The following PRKCH variants were observed in gnomAD, a reference collection of about 807,000 sequenced individuals.
The protein encoded by PRKCH is protein kinase C eta.
In PRKCH, 28 loss-of-function variants were observed where a neutral mutation model predicts 82.5. That is an observed-to-expected ratio of 0.34 (90% CI 0.25 to 0.47). The LOEUF (loss-of-function observed/expected upper bound fraction) is 0.47. PRKCH is among the 20% of genes least tolerant of loss of function. PRKCH has a pLI of 1.00. For synonymous variants in PRKCH, 322 were observed against 327.4 expected, an observed-to-expected ratio of 0.98 and a Z score of 0.18; for missense variants, 705 against 881.8, an observed-to-expected ratio of 0.80 and a Z score of 2.54.
At chr14:61,526,524 G>C (rs1389813121) in intron 10 of PRKCH, among the ~76,000 whole-genome samples, 1 of 152,182 alleles carries the variant, frequency 6.6e-6, no homozygotes, top group African/African-American at 2.4e-5. Flanking sequence ...TGTAAGACCT[G>C]TATGGCCAGG....
intron 1 of PRKCH, among the ~76,000 whole-genome samples, chr14:61,373,425 A>G (rs1439097633): frequency 2.0e-5 from 3 of 151,842 alleles, no homozygotes; most frequent in Non-Finnish European, 4.4e-5. Flanking sequence ...AGCAAGGGGG[A>G]AGTCTGCTTC....
chr14:61,530,587 C>A lies in PRKCH; in HGVS notation c.1753C>A (p.Leu585Ile), dbSNP rs138537182. The change falls in exon 12 of 14, where the codon CTA (leucine) becomes ATA (isoleucine). Residue 585 changes from leucine (L) to isoleucine (I), a missense_variant. Around this residue, in one of 5 missense-constraint regions of PRKCH, gnomAD observed 115 missense variants for 193.8 expected, o/e 0.59. Coordinates refer to ENST00000332981, the MANE Select transcript of PRKCH (RefSeq NM_006255.5). ...TWLHEDATGI[L>I]KSFMTKNPTM... ...GCTCCATGAAGATGCCACAGGGATC[C>A]TAAAATCTGTAAGTTTGGCTTACCC... 6.3e-7 allele frequency: 1 copy of A among 1,592,264 alleles called. No individual in the cohort carries two copies. Among genetic ancestry groups the A allele is most frequent in the Admixed American group, 1.7e-5 (1 of 57,494 alleles).
intron 9 of PRKCH, among the ~76,000 whole-genome samples, chr14:61,471,682 T>A (rs969280322): frequency 2.2e-4 from 34 of 151,542 alleles, no homozygotes; most frequent in African/African-American, 8.0e-4. Flanking sequence ...AAAAAAAAAA[T>A]CACTGATTTG....
intron 2 of PRKCH, among the ~76,000 whole-genome samples, chr14:61,398,572 C>T (rs191277999): frequency 6.6e-6 from 1 of 152,200 alleles, no homozygotes; most frequent in Non-Finnish European, 1.5e-5. Context: ...AAAAACCAGA[C>T]ATGATGTGTC....
intron 2 of PRKCH, among the ~76,000 whole-genome samples, chr14:61,430,226 A>G (rs1883317138): frequency 6.6e-6 from 1 of 152,258 alleles, no homozygotes; most frequent in African/African-American, 2.4e-5. Flanking sequence ...CATGCTCAGC[A>G]ATTTTAGGCT....
intron 1 of PRKCH, among the ~76,000 whole-genome samples, chr14:61,328,407 A>AT (rs201449308): frequency 2.6e-5 from 4 of 152,196 alleles, no homozygotes; most frequent in Non-Finnish European, 2.9e-5. Flanking sequence ...AATACGTTAT[A>AT]ACGTTTTTCA....
intron 1 of PRKCH, among the ~76,000 whole-genome samples, chr14:61,258,950 C>T (rs1396987069): frequency 6.6e-6 from 1 of 152,226 alleles, no homozygotes; most frequent in African/African-American, 2.4e-5. Flanking sequence ...CTTTGCTGAA[C>T]ATGGCAATTC....
Position 61,453,330 on chromosome 14 carries a change from C to T in PRKCH, c.937C>T (p.Pro313Ser), listed in dbSNP as rs753172125. 4 of 1,613,300 alleles carry T rather than the reference C, an allele frequency of 2.5e-6. No homozygotes were observed. The South Asian group carries it at 4.4e-5, about 18-fold the overall frequency. Residue 313 changes from proline (P) to serine (S), a missense_variant, in exon 7 of 14, where the codon CCC (proline) becomes TCC (serine). Physicochemically the swap from Pro to Ser is moderately conservative, Grantham distance 74. Around this residue, in one of 5 missense-constraint regions of PRKCH, gnomAD observed 238 missense variants for 258.1 expected, o/e 0.92. Transcript: ENST00000332981. ...GACCCTGGCAGGGATGGGTCTCCAA[C>T]CCGGAAATATTTCTCCAACCTCGGT... ...AKTLAGMGLQPGNISPTSKLV... is the reference protein window; with the variant it reads ...AKTLAGMGLQSGNISPTSKLV...
chr14:61,380,987 A>G (rs2046499817), intron 1 of PRKCH, among the ~76,000 whole-genome samples: 1 of 152,192 alleles, frequency 6.6e-6, no homozygotes, highest in Non-Finnish European at 1.5e-5. Flanking sequence ...GGGTCTGTTC[A>G]GCTGGGAGGG....
At chr14:61,417,993 T>C (rs984101211) in intron 2 of PRKCH, among the ~76,000 whole-genome samples, 24 of 152,188 alleles carry the variant, frequency 1.6e-4, no homozygotes, top group African/African-American at 4.8e-4. Context: ...AGTGTGTCTT[T>C]TGCCATCTCA....
At chr14:61,512,299 A>G (rs949124156) in intron 10 of PRKCH, among the ~76,000 whole-genome samples, 1 of 150,040 alleles carries the variant, frequency 6.7e-6, no homozygotes, top group Non-Finnish European at 1.5e-5. Flanking sequence ...GCAGAGAGAG[A>G]AAGAGAATTT....
intron 10 of PRKCH, among the ~76,000 whole-genome samples, chr14:61,489,969 A>G (rs985710838): frequency 7.2e-5 from 11 of 152,184 alleles, no homozygotes; most frequent in Non-Finnish European, 1.3e-4. Flanking sequence ...TATCTGAAAT[A>G]TGTTGGGTGA....
intron 1 of PRKCH, among the ~76,000 whole-genome samples, chr14:61,247,774 A>C (rs567622430): frequency 2.0e-5 from 3 of 150,394 alleles, no homozygotes; most frequent in African/African-American, 7.3e-5. Context: ...AAAGAAAGGA[A>C]TTGAACAGAA....
At chr14:61,272,901 G>A (rs1594884830) in intron 1 of PRKCH, among the ~76,000 whole-genome samples, 1 of 152,062 alleles carries the variant, frequency 6.6e-6, no homozygotes. Flanking sequence ...CCCTCCTCTG[G>A]TTCCACAGCC....
intron 1 of PRKCH, among the ~76,000 whole-genome samples, chr14:61,218,442 G>A (rs2044630711): frequency 1.3e-5 from 2 of 152,292 alleles, no homozygotes; most frequent in Middle Eastern, 3.4e-3. Flanking sequence ...GGGATAAGAA[G>A]CTTTGGTAAG....
intron 1 of PRKCH, among the ~76,000 whole-genome samples, chr14:61,263,280 A>G (rs774814690): frequency 1.1e-4 from 17 of 152,180 alleles, no homozygotes; most frequent in Non-Finnish European, 2.4e-4. Context: ...GAACTCATAA[A>G]CATATAGACT....
At chr14:61,497,449 T>C (rs1824184064) in intron 10 of PRKCH, among the ~76,000 whole-genome samples, 1 of 152,228 alleles carries the variant, frequency 6.6e-6, no homozygotes, top group African/African-American at 2.4e-5. Context: ...GCTACCACTT[T>C]TGGGAAAAGC....
intron 1 of PRKCH, chr14:61,281,447 A>C: frequency 4.0e-6 from 1 of 250,326 alleles, no homozygotes; most frequent in Non-Finnish European, 8.2e-6. Context: ...GGTGTTTTTT[A>C]CCTCACCTGG....
intron 12 of PRKCH, among the ~76,000 whole-genome samples, chr14:61,536,616 T>A (rs1378392723): frequency 1.3e-5 from 2 of 152,158 alleles, no homozygotes; most frequent in African/African-American, 4.8e-5. Flanking sequence ...TTATTCTATA[T>A]CTGGGGAAAC....
Sources: allele counts gnomAD v4.1 joint callset (sites outside exome capture counted in the v4.1 genomes callset), GRCh38; gene constraint gnomAD v4.1.1; regional missense constraint gnomAD v4.1.1; transcripts MANE v1.5; gene names NCBI Gene and HGNC (gene_info 2026-07-23, HGNC 2026-07-21).